The following TRIM67 variants were observed in gnomAD, a reference collection of about 807,000 sequenced individuals.
TRIM67 encodes tripartite motif containing 67.
TRIM67 carries 39 observed loss-of-function variants against 71.0 expected under a neutral mutation model. The ratio of observed to expected loss-of-function variants is 0.55; its 90% CI spans 0.43 to 0.72. The LOEUF (loss-of-function observed/expected upper bound fraction) is 0.72. Ranked by LOEUF, TRIM67 falls within the 30% of genes least tolerant of loss-of-function variation. TRIM67 has a pLI of 0.00. For synonymous variants in TRIM67, 481 were observed against 473.9 expected, an observed-to-expected ratio of 1.01 and a Z score of -0.19; for missense variants, 973 against 1,079.2, an observed-to-expected ratio of 0.90 and a Z score of 1.38.
intron 1 of TRIM67, among the ~76,000 whole-genome samples, chr1:231,165,399 T>A (rs755914811): frequency 1.3e-5 from 2 of 152,260 alleles, no homozygotes; most frequent in African/African-American, 4.8e-5. Flanking sequence ...GGATTAAGTA[T>A]AATACTGTAT....
chr1:231,182,355 A>T (rs1230052751), intron 1 of TRIM67, among the ~76,000 whole-genome samples: 3 of 152,168 alleles, frequency 2.0e-5, no homozygotes, highest in African/African-American at 7.2e-5. Context: ...TGAGGCCAGG[A>T]GTTTTAAACC....
In TRIM67 at chr1:231,184,912, T is replaced by C. The variant is rs140975449; in HGVS notation, c.1045-12459T>C. On this transcript the variant is annotated intron_variant, in intron 1 of 9. Coordinates refer to ENST00000366653, the MANE Select transcript of TRIM67 (RefSeq NM_001004342.5). ...GGCAAGAAACTAGGTCACGTAAAAT[T>C]AGGGTTTGAATTCAGGGCCCAACCC... 646 of 1,036,096 alleles carry C rather than the reference T, an allele frequency of 6.2e-4. 3 individuals carry two copies. The highest frequency in any genetic ancestry group is 7.7e-4 in the Non-Finnish European group (558 of 723,402). The allele number at this position is 1,036,096 out of a possible 1,614,324, so 64.2% of individuals were successfully genotyped here.
intron 5 of TRIM67, among the ~76,000 whole-genome samples, chr1:231,202,231 G>GT (rs1558304210): frequency 9.9e-4 from 1 of 1,006 alleles, no homozygotes. Context: ...GAGGTAGTAG[G>GT]AGAGGAGGGG....
chr1:231,185,792 G>A (rs16853927), intron 1 of TRIM67, among the ~76,000 whole-genome samples: 29,181 of 151,740 alleles, frequency 0.19, 4,236 homozygotes, highest in African/African-American at 0.39. Context: ...AGATGATGGC[G>A]AGGGCCACAG....
At chr1:231,205,231 G>C (rs1013724897) in intron 6 of TRIM67, among the ~76,000 whole-genome samples, 2 of 152,228 alleles carry the variant, frequency 1.3e-5, no homozygotes, top group Non-Finnish European at 2.9e-5. Context: ...GGGTCTTACA[G>C]TAGGAAAAGT....
chr1:231,175,659 C>T (rs545682803), intron 1 of TRIM67, among the ~76,000 whole-genome samples: 11 of 152,312 alleles, frequency 7.2e-5, no homozygotes, highest in East Asian at 1.9e-4. Flanking sequence ...CCCATTGCTC[C>T]GAAGGGAGAT....
chr1:231,215,349 C>T, intron 9 of TRIM67, 26 bp from the exon 10 acceptor site: 2 of 1,609,032 alleles, frequency 1.2e-6, no homozygotes, highest in Non-Finnish European at 1.7e-6. Context: ...CTCTCCCACC[C>T]TCACTTGCCC....
Position 231,215,634 on chromosome 1 carries a change from C to T in TRIM67, c.*194C>T. On this transcript the variant is annotated 3_prime_UTR_variant, in exon 10 of 10. Transcript: ENST00000366653. ...GGTCCACGGGCCATGCTCACAGCTG[C>T]CACTGTCAGTGGCAAAGGAAGGTAC... is the stretch of plus-strand genomic sequence containing the variant. 1 of 1,344,792 alleles carries T rather than the reference C, an allele frequency of 7.4e-7. No individual in the cohort carries two copies. The allele number at this position is 1,344,792 out of a possible 1,614,324, so 83.3% of individuals were successfully genotyped here. A position where few individuals can be genotyped will look rare whatever the true frequency, so the allele number is the denominator to read the frequency against.
At chr1:231,195,756 A>G (rs1683352311) in intron 1 of TRIM67, among the ~76,000 whole-genome samples, 1 of 152,194 alleles carries the variant, frequency 6.6e-6, no homozygotes, top group South Asian at 2.1e-4. Context: ...TGCACAGTCC[A>G]GGGGATCTCA....
chr1:231,192,203 T>C (rs1190771445), intron 1 of TRIM67, among the ~76,000 whole-genome samples: 1 of 93,570 alleles, frequency 1.1e-5, no homozygotes, highest in Non-Finnish European at 2.0e-5. Context: ...ACTCTCCCTG[T>C]CTCTCTCTCT....
At chr1:231,183,651 C>A (rs1183090082) in intron 1 of TRIM67, among the ~76,000 whole-genome samples, 3 of 151,966 alleles carry the variant, frequency 2.0e-5, no homozygotes, top group Non-Finnish European at 4.4e-5. Flanking sequence ...TTGCTTTTTT[C>A]TTGAGCACTC....
chr1:231,189,348 A>G (rs1287497976), intron 1 of TRIM67, among the ~76,000 whole-genome samples: 1 of 152,158 alleles, frequency 6.6e-6, no homozygotes, highest in Non-Finnish European at 1.5e-5. Context: ...ACATGGCGAA[A>G]GAGCTTTGCA....
At chr1:231,203,207 T>C (rs1683598918) in intron 5 of TRIM67, among the ~76,000 whole-genome samples, 1 of 152,222 alleles carries the variant, frequency 6.6e-6, no homozygotes, top group Non-Finnish European at 1.5e-5. Flanking sequence ...TGAGCCTGAA[T>C]AGAGCTAGAA....
At chr1:231,190,345 A>G (rs1683198518) in intron 1 of TRIM67, among the ~76,000 whole-genome samples, 1 of 152,146 alleles carries the variant, frequency 6.6e-6, no homozygotes, top group Non-Finnish European at 1.5e-5. Flanking sequence ...TTCCAGTCCC[A>G]GCTCTCCTCC....
intron 1 of TRIM67, chr1:231,185,235 C>A: frequency 6.5e-7 from 1 of 1,532,816 alleles, no homozygotes; most frequent in Non-Finnish European, 8.7e-7. Flanking sequence ...TCTGAAAACT[C>A]CCTGTGAGAA....
intron 1 of TRIM67, 51 bp downstream of exon 1, chr1:231,164,064 A>G: frequency 7.0e-7 from 1 of 1,422,782 alleles, no homozygotes; most frequent in Non-Finnish European, 9.3e-7. Context: ...GGGTACGAGG[A>G]GAAAGGCTTT....
At chr1:231,189,555 CA>C (rs749461245) in intron 1 of TRIM67, among the ~76,000 whole-genome samples, 3 of 152,106 alleles carry the variant, frequency 2.0e-5, no homozygotes, top group Non-Finnish European at 4.4e-5. Context: ...ATACCATAGA[CA>C]GGGGGGTTGA....
rs1004106030 is a variant in TRIM67, at chr1:231,162,911, T to G, written c.-59T>G. On this transcript the variant is annotated 5_prime_UTR_variant, in exon 1 of 10. Coordinates refer to ENST00000366653, the MANE Select transcript of TRIM67 (RefSeq NM_001004342.5). ...CACCGCGCTGGTCCTCCTCCGCCAG[T>G]CTCCCGAGCTCCGGCCATTCATCCC... 1.3e-6 allele frequency: 2 copies of G among 1,566,468 alleles called. No individual in the cohort carries two copies. Among genetic ancestry groups the G allele is most frequent in the African/African-American group, 1.4e-5 (1 of 73,498 alleles).
intron 1 of TRIM67, among the ~76,000 whole-genome samples, chr1:231,165,425 A>G (rs1294550785): frequency 2.0e-5 from 3 of 152,268 alleles, no homozygotes; most frequent in African/African-American, 7.2e-5. Context: ...GCCTCTAGCA[A>G]AGCACCTTAA....
Sources: allele counts gnomAD v4.1 joint callset (sites outside exome capture counted in the v4.1 genomes callset), GRCh38; gene constraint gnomAD v4.1.1; transcripts MANE v1.5; gene names NCBI Gene and HGNC (gene_info 2026-07-23, HGNC 2026-07-21).